ACSS1: variants seen among roughly 807,000 people sequenced by gnomAD.
ACSS1 encodes the protein acyl-CoA synthetase short chain family member 1, also known as acetyl-coenzyme A synthetase 2-like, mitochondrial.
In ACSS1, 42 loss-of-function variants were observed where a neutral mutation model predicts 75.3. That is an observed-to-expected ratio of 0.56 (90% confidence interval 0.44 to 0.72). The LOEUF (loss-of-function observed/expected upper bound fraction) is 0.72, where lower values mean the gene tolerates loss of function less well. Ranked by LOEUF, ACSS1 falls within the 30% of genes least tolerant of loss-of-function variation. The pLI is 0.00. For missense variants in ACSS1, 782 were observed against 935.7 expected (o/e 0.84, Z 2.14); for synonymous variants, 380 against 376.8 (o/e 1.01, Z -0.10).
At chr20:25,022,713 G>A (rs1309708506) in intron 5 of ACSS1, among the ~76,000 whole-genome samples, 2 of 152,272 alleles carry the variant, frequency 1.3e-5, no homozygotes, top group Admixed American at 6.5e-5. Flanking sequence ...CGCGTTACAT[G>A]ATCAGATTAT....
intron 2 of ACSS1, among the ~76,000 whole-genome samples, chr20:25,045,713 T>C (rs1347710790): frequency 6.6e-6 from 1 of 152,196 alleles, no homozygotes; most frequent in Admixed American, 6.5e-5. Flanking sequence ...GGACAACCAG[T>C]GCCAATGTCT....
intron 8 of ACSS1, among the ~76,000 whole-genome samples, chr20:25,014,384 A>G (rs1274125994): frequency 6.6e-6 from 1 of 152,128 alleles, no homozygotes; most frequent in Admixed American, 6.5e-5. Flanking sequence ...ACGGAGAAAA[A>G]GAACTGCTTC....
chr20:25,025,344 C>T lies in ACSS1; in HGVS notation c.632-1703G>A, dbSNP rs985090054. On this transcript the variant is annotated intron_variant, in intron 3 of 13. Coordinates refer to ENST00000323482, the MANE Select transcript of ACSS1 (RefSeq NM_032501.4). ...ACCATGAGCATGTCTGGCCCACTGG[C>T]GCCCTCCAAGGCTGGGCCACAGCAT... 2.6e-4 allele frequency among the ~76,000 whole-genome samples: 40 copies of T among 152,238 alleles called. 1 individual carries two copies. Among genetic ancestry groups the T allele is most frequent in the Admixed American group, 1.2e-3 (18 of 15,290 alleles).
rs537970959 is a variant in ACSS1 at position 25,057,943 on chromosome 20, G to A, written c.160C>T (p.Gln54Ter). ...SAPAVAAAAA[Q>*]PGSYPALSAQ... ...CTCAGCGCGGGATACGAGCCTGGCT[G>A]TGCTGCTGCTGCTGCAACTGCGGGA... The change falls in exon 1 of 14, where the codon CAG becomes TAG. Residue 54 changes from glutamine (Q) to a stop codon, truncating the protein, a stop_gained. Transcript: ENST00000323482. LOFTEE classifies it high-confidence loss of function. The A allele has an allele frequency of 2.5e-6, 4 of 1,603,952 alleles. No homozygotes were observed. The highest frequency in any genetic ancestry group is 2.7e-5 in the African/African-American group (2 of 74,520).
intron 2 of ACSS1, among the ~76,000 whole-genome samples, chr20:25,034,286 C>T (rs371528392): frequency 1.3e-5 from 2 of 152,184 alleles, no homozygotes; most frequent in African/African-American, 4.8e-5. Flanking sequence ...AAAATTGGAC[C>T]AAGATTTGCA....
Position 25,007,696 on chromosome 20 carries a change from C to A in ACSS1, c.*66G>T. 1.3e-6 allele frequency: 2 copies of A among 1,577,586 alleles called. No homozygotes were observed. The highest frequency in any genetic ancestry group is 1.2e-5 in the South Asian group (1 of 84,958). On this transcript the variant is annotated 3_prime_UTR_variant, in exon 14 of 14. Transcript: ENST00000323482. Reference sequence around the variant, plus strand: ...TAGGAAGACGCCAACCTCAGGGGTACCTTCTGGGAAGGACAAGCCAGGGCT... The same window carrying A: ...TAGGAAGACGCCAACCTCAGGGGTAACTTCTGGGAAGGACAAGCCAGGGCT...
At chr20:25,055,862 A>AGT (rs1422746249) in intron 1 of ACSS1, among the ~76,000 whole-genome samples, 2 of 152,170 alleles carry the variant, frequency 1.3e-5, no homozygotes, top group Non-Finnish European at 2.9e-5. Context: ...CTCCCAGAAG[A>AGT]GTCATGGCCT....
rs549554583 is a variant in ACSS1, at chr20:25,023,071, C to T, written c.829G>A (p.Val277Ile). The change falls in exon 5 of 14, where the codon GTT (valine) becomes ATT (isoleucine). Residue 277 changes from valine to isoleucine, a missense_variant. Physicochemically the swap from Val to Ile is conservative, Grantham distance 29. Transcript: ENST00000323482. ...CTGCCCATGCTCTCTGGGGCGCAAA[C>T]AGGGTCCTCCTTGGCCATTTCCTGG... ...LEQEMAKEDP[V>I]CAPESMGSED... The T allele has an allele frequency of 1.2e-6, 2 of 1,613,172 alleles. No individual in the cohort carries two copies. The highest frequency in any genetic ancestry group is 2.2e-5 in the South Asian group (2 of 91,012).
At chr20:25,031,199 T>G in intron 2 of ACSS1, 3 of 593,878 alleles carry the variant, frequency 5.1e-6, no homozygotes, top group Admixed American at 2.8e-5. Context: ...AAGGCTATCC[T>G]TAAGTCCGCT....
intron 7 of ACSS1, among the ~76,000 whole-genome samples, chr20:25,015,465 T>G (rs371878202): frequency 7.0e-4 from 106 of 152,182 alleles, no homozygotes; most frequent in African/African-American, 2.5e-3. Context: ...CCGGCTAATT[T>G]TTTGTATTTT....
At chr20:25,020,549 G>A (rs374064810) in intron 6 of ACSS1, among the ~76,000 whole-genome samples, 5 of 152,368 alleles carry the variant, frequency 3.3e-5, no homozygotes, top group South Asian at 2.1e-4. Flanking sequence ...CTGCCACTGC[G>A]TGTGTCCCAG....
At chr20:25,035,194 C>A (rs565716143) in intron 2 of ACSS1, among the ~76,000 whole-genome samples, 32 of 152,134 alleles carry the variant, frequency 2.1e-4, no homozygotes, top group African/African-American at 7.7e-4. Flanking sequence ...CGCACCCGGC[C>A]GACCATATGC....
At chr20:25,033,108 TG>T (rs543721672) in intron 2 of ACSS1, among the ~76,000 whole-genome samples, 27 of 152,166 alleles carry the variant, frequency 1.8e-4, no homozygotes, top group Non-Finnish European at 3.1e-4. Context: ...GGGAGGAGGC[TG>T]GGGTGGCCTG....
At chr20:25,047,985 CT>C (rs976137856) in intron 2 of ACSS1, 99 bp downstream of exon 2, 60 of 1,020,398 alleles carry the variant, frequency 5.9e-5, no homozygotes, top group Non-Finnish European at 7.7e-5. Flanking sequence ...CCAAAATGCA[CT>C]CCCTGAGACT....
chr20:25,036,989 GAAAGAAAGAAGA>G (rs2088919991), intron 2 of ACSS1, among the ~76,000 whole-genome samples: 3 of 119,040 alleles, frequency 2.5e-5, no homozygotes, highest in South Asian at 6.2e-4. Context: ...GAAAGAAAAA[GAAAGAAAGAAGA>G]AAGAAAGGAA....
At position 25,006,934 on chromosome 20, in the gene ACSS1, T is replaced by C. The variant is rs921106052; in HGVS notation, c.*828A>G. 6.5e-7 allele frequency: 1 copy of C among 1,535,454 alleles called. No individual in the cohort carries two copies. The highest frequency in any genetic ancestry group is 8.7e-7 in the Non-Finnish European group (1 of 1,146,720). ...CCAACTATTTGGAGTATGTTGCCTC[T>C]CCTATCAAGAGGCATCTGGGGGCAC... On this transcript the variant is annotated 3_prime_UTR_variant, in exon 14 of 14. Transcript: ENST00000323482.
chr20:25,020,321 T>C (rs1386445096), intron 6 of ACSS1, among the ~76,000 whole-genome samples, 174 bp from the exon 7 acceptor site: 1 of 122,404 alleles, frequency 8.2e-6, no homozygotes, highest in African/African-American at 3.1e-5. Flanking sequence ...AGAAGCCCCA[T>C]GGGACAGGTC....
At chr20:25,031,275 AT>A in intron 2 of ACSS1, 1 of 405,876 alleles carries the variant, frequency 2.5e-6, no homozygotes, top group South Asian at 2.2e-5. Flanking sequence ...TTTAGAATCA[AT>A]TCCATCTTAA....
chr20:25,014,382 A>G (rs186675430), intron 8 of ACSS1, among the ~76,000 whole-genome samples: 1 of 152,294 alleles, frequency 6.6e-6, no homozygotes, highest in East Asian at 1.9e-4. Context: ...AGACGGAGAA[A>G]AAGAACTGCT....
Sources: gnomAD v4.1 joint callset for allele counts (sites outside exome capture counted in the v4.1 genomes callset) on GRCh38, gnomAD v4.1.1 for gene constraint, MANE v1.5 for transcripts, NCBI Gene and HGNC (gene_info 2026-07-23, HGNC 2026-07-21) for gene names.